The following LARP1 variants were observed in gnomAD, a reference collection of about 807,000 sequenced individuals.
The protein encoded by LARP1 is La ribonucleoprotein 1, translational regulator.
LARP1 carries 36 observed loss-of-function variants against 122.7 expected under a neutral mutation model. That is an observed-to-expected ratio of 0.29 (90% CI 0.22 to 0.39). The LOEUF (loss-of-function observed/expected upper bound fraction) is 0.39. Among genes scored for constraint, LARP1 ranks in the 10% least tolerant of loss-of-function variants. The pLI is 1.00. For synonymous variants in LARP1, 539 were observed against 528.7 expected (o/e 1.02, Z -0.27); for missense variants, 1,040 against 1,403.6 (o/e 0.74, Z 4.14).
intron 1 of LARP1, 182 bp downstream of exon 1, chr5:154,756,375 C>T: frequency 2.0e-6 from 2 of 979,980 alleles, no homozygotes; most frequent in South Asian, 3.8e-5. Context: ...CACTCAGGGA[C>T]CTGCCCCTGC....
intron 1 of LARP1, among the ~76,000 whole-genome samples, chr5:154,749,198 T>A (rs1344052870): frequency 6.6e-6 from 1 of 152,078 alleles, no homozygotes; most frequent in African/African-American, 2.4e-5. Flanking sequence ...TGGATCACAG[T>A]GGGAGTACAG....
At chr5:154,725,557 GAAA>G (rs1168452618) in intron 1 of LARP1, among the ~76,000 whole-genome samples, 3 of 145,150 alleles carry the variant, frequency 2.1e-5, no homozygotes, top group African/African-American at 7.6e-5. Context: ...CTCAAAAGAA[GAAA>G]AAAAAAAGCT....
intron 1 of LARP1, among the ~76,000 whole-genome samples, chr5:154,707,271 TA>T (rs1754996404): frequency 6.6e-6 from 1 of 152,170 alleles, no homozygotes; most frequent in Non-Finnish European, 1.5e-5. Flanking sequence ...GTAAAATAAA[TA>T]AAATATCATT....
intron 15 of LARP1, among the ~76,000 whole-genome samples, chr5:154,806,306 G>A (rs959760963): frequency 1.3e-5 from 2 of 152,028 alleles, no homozygotes; most frequent in African/African-American, 4.8e-5. Flanking sequence ...CATATCTCTG[G>A]CAAGATTACT....
intron 1 of LARP1, among the ~76,000 whole-genome samples, chr5:154,685,304 C>G (rs1753878362): frequency 6.6e-6 from 1 of 151,824 alleles, no homozygotes; most frequent in Admixed American, 6.6e-5. Context: ...GCAGGGTGGT[C>G]ACTGCCCAGC....
In LARP1 at chr5:154,802,635, C is replaced by T. The variant is rs773647688; in HGVS notation, c.2109+236C>T. ...GCGGTGGTGATTATTATCCTATCTG[C>T]GGATCCATAGTTAATATTCTGACAG... On this transcript the variant is annotated intron_variant, in intron 11 of 18. Transcript: ENST00000518297. This position sits in a 1 kb window ranked among gnomAD's most constrained non-coding sequence, Gnocchi z 5.1. Among the ~76,000 whole-genome samples, 7 of 152,212 alleles carry T rather than the reference C, an allele frequency of 4.6e-5. No homozygotes were observed. The highest frequency in any genetic ancestry group is 8.8e-5 in the Non-Finnish European group (6 of 68,016).
chr5:154,700,934 C>G (rs1754683335), intron 1 of LARP1, among the ~76,000 whole-genome samples: 1 of 152,072 alleles, frequency 6.6e-6, no homozygotes, highest in African/African-American at 2.4e-5. Flanking sequence ...ACTCCACACT[C>G]CAGCCTGGGT....
intron 1 of LARP1, among the ~76,000 whole-genome samples, chr5:154,697,938 G>A (rs560289428): frequency 5.9e-5 from 9 of 152,138 alleles, no homozygotes; most frequent in African/African-American, 2.2e-4. Flanking sequence ...TGATCCTCTC[G>A]CCTCAGTCTC....
intron 1 of LARP1, among the ~76,000 whole-genome samples, chr5:154,720,368 G>A (rs1167220703): frequency 6.6e-6 from 1 of 152,100 alleles, no homozygotes; most frequent in Admixed American, 6.6e-5. Flanking sequence ...TAAACAAAAT[G>A]CTGACTTGAG....
intron 1 of LARP1, among the ~76,000 whole-genome samples, chr5:154,716,616 T>C (rs1025780055): frequency 6.6e-6 from 1 of 152,052 alleles, no homozygotes. Context: ...ACCTGGCTAA[T>C]TTTTGTATTT....
At chr5:154,791,442 C>T (rs1192796169) in intron 3 of LARP1, among the ~76,000 whole-genome samples, 2 of 152,110 alleles carry the variant, frequency 1.3e-5, no homozygotes, top group African/African-American at 4.8e-5. Flanking sequence ...GAACTGACCT[C>T]AGGTGATCTG....
At chr5:154,806,405 A>C (rs1582476988) in intron 15 of LARP1, among the ~76,000 whole-genome samples, 1 of 152,328 alleles carries the variant, frequency 6.6e-6, no homozygotes, top group African/African-American at 2.4e-5. Flanking sequence ...AGGTTGCCAA[A>C]CTGGCCTGTG....
intron 1 of LARP1, among the ~76,000 whole-genome samples, chr5:154,691,679 G>A (rs115028613): frequency 1.6e-3 from 243 of 152,304 alleles, no homozygotes; most frequent in African/African-American, 5.5e-3. Context: ...GTTCCCTGGG[G>A]CAGCTCACGT....
At chr5:154,761,803 A>G (rs1344766778) in intron 1 of LARP1, among the ~76,000 whole-genome samples, 2 of 152,230 alleles carry the variant, frequency 1.3e-5, no homozygotes, top group Non-Finnish European at 2.9e-5. Context: ...GAACATGGGC[A>G]GGGTACTTCT....
chr5:154,756,106 G>A lies in LARP1; in HGVS notation c.349G>A (p.Val117Met). Residue 117 changes from valine to methionine, a missense_variant, in exon 1 of 19, where the codon GTG becomes ATG. By Grantham distance (21) the Val-to-Met change is conservative. This residue lies in a region of LARP1 where 257 missense variants were observed against 273.3 expected (regional missense o/e 0.94). Transcript: ENST00000518297. ...GAAGAGRRDF[V>M]EAPPPKVNPW... ...CGCGGGCGCGGGGCGCCGGGACTTC[G>A]TGGAAGCCCCCCCGCCCAAGGTGAA... 8.3e-7 allele frequency: 1 copy of A among 1,211,966 alleles called. No individual in the cohort carries two copies. Among genetic ancestry groups the A allele is most frequent in the South Asian group, 1.5e-5 (1 of 67,614 alleles). The allele number at this position is 1,211,966 out of a possible 1,614,324, so 75.1% of individuals were successfully genotyped here.
At chr5:154,763,913 C>T (rs1408815082) in intron 1 of LARP1, among the ~76,000 whole-genome samples, 1 of 151,346 alleles carries the variant, frequency 6.6e-6, no homozygotes, top group Non-Finnish European at 1.5e-5. Context: ...CCTGGGGAGG[C>T]TGAGGTGGGA....
chr5:154,765,049 C>G (rs978663462), intron 1 of LARP1, among the ~76,000 whole-genome samples: 10 of 152,174 alleles, frequency 6.6e-5, no homozygotes, highest in Non-Finnish European at 1.0e-4. Flanking sequence ...TCCTATCACT[C>G]CTACTTAAAG....
At chr5:154,722,434 T>C (rs780156013) in intron 1 of LARP1, among the ~76,000 whole-genome samples, 9 of 151,454 alleles carry the variant, frequency 5.9e-5, no homozygotes, top group Non-Finnish European at 1.2e-4. Flanking sequence ...GACTCAGGAG[T>C]TCTGTTGATA....
rs1582468986 is a variant in LARP1, at chr5:154,804,312, C to G, written c.2546+5C>G. 2 of 1,608,294 alleles carry G rather than the reference C, an allele frequency of 1.2e-6. No individual in the cohort carries two copies. The highest frequency in any genetic ancestry group is 1.7e-5 in the Admixed American group (1 of 59,980). ...GCCCCGTACTGCTTCCATCAGGTAC[C>G]TGGGGCAGTGGGGGAAGAGTGATCA... On this transcript the variant is annotated splice_donor_5th_base_variant and intron_variant, in intron 14 of 18. Coordinates refer to ENST00000518297, the MANE Select transcript of LARP1 (RefSeq NM_033551.3).
Sources: gnomAD v4.1 joint callset for allele counts (sites outside exome capture counted in the v4.1 genomes callset) on GRCh38, gnomAD v4.1.1 for gene constraint, gnomAD v4.1.1 regional missense constraint, Gnocchi (gnomAD v3.1) non-coding constraint, MANE v1.5 for transcripts, NCBI Gene and HGNC (gene_info 2026-07-23, HGNC 2026-07-21) for gene names.